Variants in OVCH1 observed in about 807,000 individuals in gnomAD.
The protein encoded by OVCH1 is ovochymase-1.
In OVCH1, 139 loss-of-function variants were observed where a neutral mutation model predicts 138.4. That is an observed-to-expected ratio of 1.00 (90% CI 0.87 to 1.16). The LOEUF (loss-of-function observed/expected upper bound fraction) is 1.16, where lower values mean the gene tolerates loss of function less well. OVCH1 is among the 50% of genes most tolerant of loss of function. The pLI, the probability that OVCH1 is intolerant of heterozygous loss-of-function variation, is 0.00. For synonymous variants in OVCH1, 453 were observed against 467.8 expected (o/e 0.97, Z 0.41); for missense variants, 1,367 against 1,357.9 (o/e 1.01, Z -0.11).
At chr12:29,487,399 C>A (rs867968848) in intron 7 of OVCH1, 1 of 247,622 alleles carries the variant, frequency 4.0e-6, no homozygotes, top group Non-Finnish European at 7.6e-6. Flanking sequence ...ATCATGCCAA[C>A]TGAAAAAATG....
rs1592114851 is a variant in OVCH1 at position 29,489,057 on chromosome 12, C to T, written c.702+563G>A. On this transcript the variant is annotated intron_variant, in intron 6 of 27. Transcript: ENST00000318184. ...CCACCTTAAAAGAGAAGATAATTTA[C>T]TTGGAAGACCTATCTAAAACTTAAA... Among the ~76,000 whole-genome samples, 3 of 152,264 alleles carry T rather than the reference C, an allele frequency of 2.0e-5. No homozygotes were observed. The South Asian group carries it at 6.2e-4, about 32-fold the overall frequency.
chr12:29,431,683 A>T (rs1306885965), intron 27 of OVCH1, among the ~76,000 whole-genome samples: 1 of 152,148 alleles, frequency 6.6e-6, no homozygotes, highest in African/African-American at 2.4e-5. Context: ...AGCGTGTTTT[A>T]TCTGCAATCT....
chr12:29,419,735 G>A (rs763983775), intron 3 of OVCH1, among the ~76,000 whole-genome samples: 1 of 152,124 alleles, frequency 6.6e-6, no homozygotes, highest in African/African-American at 2.4e-5. Context: ...CTGTAAAATG[G>A]TTTTCAAAGA....
intron 25 of OVCH1, among the ~76,000 whole-genome samples, chr12:29,442,667 GA>G (rs558596734): frequency 1.4e-4 from 21 of 151,596 alleles, no homozygotes; most frequent in African/African-American, 4.6e-4. Flanking sequence ...TTATGATGGG[GA>G]AACTTCTACA....
chr12:29,487,780 C>G, exon 7 of OVCH1: 1 of 1,605,860 alleles, frequency 6.2e-7, no homozygotes, highest in Non-Finnish European at 8.5e-7. Flanking sequence ...TTGTTTCTTA[C>G]GGGAACTGAA....
At chr12:29,461,663 ACT>A (rs1245682630) in intron 19 of OVCH1, 189 bp downstream of exon 19, 1 of 736,406 alleles carries the variant, frequency 1.4e-6, no homozygotes, top group Admixed American at 2.1e-5. Flanking sequence ...GCTTCCGGCC[ACT>A]CTCTGACATC....
intron 20 of OVCH1, 100 bp from the exon 21 acceptor site, chr12:29,455,033 C>CAA: frequency 1.6e-6 from 2 of 1,222,008 alleles, no homozygotes; most frequent in Non-Finnish European, 2.3e-6. Context: ...AAAAAAGAAA[C>CAA]AAATCCAGGA....
chr12:29,432,654 T>C (rs1434690714), intron 27 of OVCH1, among the ~76,000 whole-genome samples: 1 of 152,152 alleles, frequency 6.6e-6, no homozygotes, highest in Non-Finnish European at 1.5e-5. Context: ...TTGGAAGTTA[T>C]CACTGTATAG....
At chr12:29,457,387 ATTTTTTTTT>A (rs57856732) in intron 19 of OVCH1, among the ~76,000 whole-genome samples, 2 of 68,816 alleles carry the variant, frequency 2.9e-5, no homozygotes, top group Admixed American at 2.5e-4. Context: ...AAACAAATGA[ATTTTTTTTT>A]TTTTTTTTTT....
intron 3 of OVCH1, among the ~76,000 whole-genome samples, chr12:29,416,499 A>G (rs1261107053): frequency 6.6e-6 from 1 of 152,192 alleles, no homozygotes; most frequent in Non-Finnish European, 1.5e-5. Flanking sequence ...GGCTAAAGAT[A>G]TGAAGGGGCT....
chr12:29,418,555 T>C (rs996203169), intron 3 of OVCH1, among the ~76,000 whole-genome samples: 1 of 152,184 alleles, frequency 6.6e-6, no homozygotes, highest in Non-Finnish European at 1.5e-5. Context: ...ATGAAAGATA[T>C]TAAGCTGTAT....
intron 8 of OVCH1, among the ~76,000 whole-genome samples, chr12:29,485,282 C>T (rs1943057088): frequency 7.0e-6 from 1 of 142,932 alleles, no homozygotes; most frequent in African/African-American, 2.7e-5. Context: ...CATGCCACTG[C>T]ACTCCAGCCT....
At chr12:29,483,918 G>T (rs925958599) in intron 8 of OVCH1, among the ~76,000 whole-genome samples, 1 of 152,130 alleles carries the variant, frequency 6.6e-6, no homozygotes, top group Admixed American at 6.6e-5. Flanking sequence ...ACACCAAAGA[G>T]AATTAGTCTC....
At chr12:29,474,495 G>C (rs1433198179) in intron 14 of OVCH1, among the ~76,000 whole-genome samples, 3 of 152,130 alleles carry the variant, frequency 2.0e-5, no homozygotes, top group African/African-American at 7.2e-5. Context: ...AAGTTAGCTA[G>C]CTATCCTATC....
intron 26 of OVCH1, among the ~76,000 whole-genome samples, chr12:29,436,412 G>A (rs796502806): frequency 2.6e-5 from 4 of 151,342 alleles, no homozygotes; most frequent in African/African-American, 9.7e-5. Flanking sequence ...CTTCAAAATT[G>A]TTGTCAATTT....
chr12:29,421,610 T>C (rs1214834053), intron 3 of OVCH1, among the ~76,000 whole-genome samples: 1 of 152,166 alleles, frequency 6.6e-6, no homozygotes, highest in African/African-American at 2.4e-5. Context: ...GTAACAGATA[T>C]CTAGACTTAT....
intron 26 of OVCH1, among the ~76,000 whole-genome samples, chr12:29,436,657 C>T (rs980992640): frequency 3.9e-5 from 6 of 151,980 alleles, no homozygotes; most frequent in South Asian, 4.2e-4. Context: ...TTCTTCCTTC[C>T]GGTGGGTTCA....
intron 16 of OVCH1, among the ~76,000 whole-genome samples, chr12:29,467,452 G>T (rs1565592011): frequency 6.6e-6 from 1 of 152,040 alleles, no homozygotes; most frequent in East Asian, 1.9e-4. Context: ...ATAGCTCAAG[G>T]TATCAATTGA....
In OVCH1 at chr12:29,482,755, C is replaced by T. The variant is rs888961969; in HGVS notation, c.995+3491G>A. Reference sequence around the variant, plus strand: ...GATCTGATTTTTACTTCTAAAATAACCCTTCTTCTCTTGAAACTTTTTCTT... The same window carrying T: ...GATCTGATTTTTACTTCTAAAATAATCCTTCTTCTCTTGAAACTTTTTCTT... On this transcript the variant is annotated intron_variant, in intron 8 of 27. Transcript: ENST00000318184. Among the ~76,000 whole-genome samples the T allele has an allele frequency of 2.0e-5, 3 of 152,150 alleles. No individual in the cohort carries two copies. In the East Asian group the frequency reaches 5.8e-4, roughly 29 times the overall value.
Sources: allele counts gnomAD v4.1 joint callset (sites outside exome capture counted in the v4.1 genomes callset), GRCh38; gene constraint gnomAD v4.1.1; transcripts MANE v1.5; gene names NCBI Gene and HGNC (gene_info 2026-07-23, HGNC 2026-07-21).